Variants in MMS22L observed in about 807,000 individuals in gnomAD.
MMS22L encodes MMS22 like, DNA repair protein, also known as protein MMS22-like.
Under a neutral mutation model 159.1 loss-of-function variants are expected in MMS22L, and 74 were observed. The ratio of observed to expected loss-of-function variants is 0.47; its 90% CI spans 0.39 to 0.56. The LOEUF (loss-of-function observed/expected upper bound fraction) is 0.56. Ranked by LOEUF, MMS22L falls within the 20% of genes least tolerant of loss-of-function variation. The pLI is 0.00. For synonymous variants in MMS22L, 517 were observed against 506.9 expected (o/e 1.02, Z -0.27); for missense variants, 1,351 against 1,422.1 (o/e 0.95, Z 0.80).
intron 16 of MMS22L, among the ~76,000 whole-genome samples, chr6:97,180,526 A>C (rs1804603270): frequency 6.6e-6 from 1 of 152,178 alleles, no homozygotes; most frequent in Admixed American, 6.5e-5. Context: ...AAATCTAAAA[A>C]TGTTTTGAAA....
Position 97,178,605 on chromosome 6 carries a change from T to C in MMS22L, c.2537-20A>G, listed in dbSNP as rs1804362614. 2.3e-6 allele frequency: 3 copies of C among 1,326,142 alleles called. No individual in the cohort carries two copies. The Admixed American group carries it at 6.4e-5, about 28-fold the overall frequency. 82.1% of individuals were successfully genotyped at this position (1,326,142 alleles called of 1,614,324 possible). A position where few individuals can be genotyped will look rare whatever the true frequency, so the allele number is the denominator to read the frequency against. On this transcript the variant is annotated intron_variant, in intron 17 of 24. Transcript: ENST00000683635. ...CTTTTTCTGTTAAAATAAAATAGTATTTGTTATATCAATTTATATAACATA... is the reference window on the plus strand; with the variant it reads ...CTTTTTCTGTTAAAATAAAATAGTACTTGTTATATCAATTTATATAACATA...
Position 97,186,561 on chromosome 6 carries a change from T to C in MMS22L, c.2169A>G (p.Ser723=). The C allele has an allele frequency of 1.9e-6, 3 of 1,612,656 alleles. No individual in the cohort carries two copies. Among genetic ancestry groups the C allele is most frequent in the Non-Finnish European group, 2.5e-6 (3 of 1,179,440 alleles). ...VASALWRHFF[S]FLKSQRMSQV... ...GTGACATTCTCTGACTCTTCAAAAA[T>C]GAAAAGAAATGTCTCCACAGTGCAC... The change falls in exon 15 of 25, where the codon TCA becomes TCG. Residue 723 remains serine (S), a synonymous_variant. Transcript: ENST00000683635.
At chr6:97,185,091 T>TTACTTG (rs1805090413) in intron 15 of MMS22L, among the ~76,000 whole-genome samples, 3 of 152,234 alleles carry the variant, frequency 2.0e-5, no homozygotes, top group Admixed American at 2.0e-4. Context: ...CAAATATTAC[T>TTACTTG]TACTTGGGCC....
intron 14 of MMS22L, among the ~76,000 whole-genome samples, chr6:97,205,618 T>G (rs1037039366): frequency 6.6e-6 from 1 of 152,202 alleles, no homozygotes; most frequent in African/African-American, 2.4e-5. Flanking sequence ...AACACTACTT[T>G]TCTTAGAAAA....
intron 8 of MMS22L, 122 bp downstream of exon 8, chr6:97,267,750 A>T: frequency 3.5e-6 from 3 of 864,922 alleles, no homozygotes; most frequent in Non-Finnish European, 4.6e-6. Context: ...AGATAATAGC[A>T]ACTAAATATA....
intron 18 of MMS22L, among the ~76,000 whole-genome samples, chr6:97,174,408 C>A (rs1803912109): frequency 1.3e-5 from 2 of 151,998 alleles, no homozygotes; most frequent in Admixed American, 6.6e-5. Flanking sequence ...TTCTGCAGCA[C>A]TCAGCATGTA....
rs1209431095 is a variant in MMS22L, at chr6:97,215,114, A to ATATAT, written c.2039+13779_2039+13780insATATA. On this transcript the variant is annotated intron_variant, in intron 14 of 24. Transcript: ENST00000683635. Reference sequence around the variant, plus strand: ...TAAATATATATATATATATATATATATTTTTTTTTTGCATTGTTTCACTAG... The same window carrying ATATAT: ...TAAATATATATATATATATATATATATATATTTTTTTTTTTGCATTGTTTCACTAG... Among the ~76,000 whole-genome samples the ATATAT allele has an allele frequency of 2.2e-3, 194 of 87,204 alleles. 1 individual carries two copies. The highest frequency in any genetic ancestry group is 6.2e-3 in the African/African-American group (175 of 28,298). The allele number at this position is 87,204 out of a possible 152,430, so 57.2% of individuals were successfully genotyped here. A position where few individuals can be genotyped will look rare whatever the true frequency, so the allele number is the denominator to read the frequency against.
chr6:97,219,726 T>C (rs114417990), intron 14 of MMS22L, among the ~76,000 whole-genome samples: 93 of 152,306 alleles, frequency 6.1e-4, no homozygotes, highest in African/African-American at 2.1e-3. Context: ...TTTAATACAA[T>C]GTTTTGACAG....
At chr6:97,256,263 C>A (rs1813796370) in intron 9 of MMS22L, among the ~76,000 whole-genome samples, 1 of 152,040 alleles carries the variant, frequency 6.6e-6, no homozygotes, top group Non-Finnish European at 1.5e-5. Flanking sequence ...TTAACATAGA[C>A]CTTTCTCTTA....
At chr6:97,157,353 A>G (rs960371148) in intron 22 of MMS22L, among the ~76,000 whole-genome samples, 62 of 152,270 alleles carry the variant, frequency 4.1e-4, no homozygotes, top group African/African-American at 1.4e-3. Flanking sequence ...TTCCAACACT[A>G]TGTTGAAGAG....
At chr6:97,156,793 G>A (rs766299301) in intron 22 of MMS22L, among the ~76,000 whole-genome samples, 10 of 151,990 alleles carry the variant, frequency 6.6e-5, no homozygotes, top group African/African-American at 9.7e-5. Flanking sequence ...GGATTATCTC[G>A]GCTATGCACA....
At chr6:97,251,808 G>A (rs775447707) in intron 10 of MMS22L, among the ~76,000 whole-genome samples, 4 of 152,194 alleles carry the variant, frequency 2.6e-5, no homozygotes, top group African/African-American at 7.2e-5. Context: ...GTAGGGCTAG[G>A]TACGGTGGCT....
chr6:97,179,337 C>T, intron 17 of MMS22L, 71 bp downstream of exon 17: 3 of 1,312,966 alleles, frequency 2.3e-6, no homozygotes, highest in South Asian at 1.6e-5. Context: ...AATTACATAA[C>T]AAATGATCTA....
chr6:97,236,204 C>T (rs1437439261), intron 11 of MMS22L, among the ~76,000 whole-genome samples: 2 of 151,574 alleles, frequency 1.3e-5, no homozygotes, highest in Non-Finnish European at 2.9e-5. Flanking sequence ...TGGCAGGCAC[C>T]TATAATCCCA....
At chr6:97,172,668 C>T (rs1017255041) in intron 19 of MMS22L, among the ~76,000 whole-genome samples, 1 of 152,052 alleles carries the variant, frequency 6.6e-6, no homozygotes, top group Non-Finnish European at 1.5e-5. Context: ...CTCCTTCATA[C>T]AGAGCAGAGC....
rs199884246 is a variant in MMS22L, at chr6:97,282,473, T to G, written c.5A>C (p.Glu2Ala). Residue 2 changes from glutamate to alanine, a missense_variant, in exon 2 of 25, where the codon GAG becomes GCG. Physicochemically the swap from Glu to Ala is moderately radical, Grantham distance 107. Coordinates refer to ENST00000683635, the MANE Select transcript of MMS22L (RefSeq NM_001350599.2). M[E>A]NCSAASTFLT... ...GAACGTCGATGCAGCAGAACAGTTCTCCATTGTTTACTTCATGTTCTGAAA... is the reference window on the plus strand; with the variant it reads ...GAACGTCGATGCAGCAGAACAGTTCGCCATTGTTTACTTCATGTTCTGAAA... The G allele has an allele frequency of 2.6e-5, 42 of 1,610,586 alleles. No individual in the cohort carries two copies. The highest frequency in any genetic ancestry group is 3.0e-5 in the Non-Finnish European group (35 of 1,179,006).
chr6:97,151,878 A>C lies in MMS22L; in HGVS notation c.3386-11T>G. On this transcript the variant is annotated splice_polypyrimidine_tract_variant and intron_variant, in intron 22 of 24. Coordinates refer to ENST00000683635, the MANE Select transcript of MMS22L (RefSeq NM_001350599.2). Reference sequence around the variant, plus strand: ...TGGCCAGCCTTTTAACTAGAAGGAAAAATTACAGCATTAGGCACTGTGTCT... The same window carrying C: ...TGGCCAGCCTTTTAACTAGAAGGAACAATTACAGCATTAGGCACTGTGTCT... 1 of 1,606,606 alleles carries C rather than the reference A, an allele frequency of 6.2e-7. No homozygotes were observed. Among genetic ancestry groups the C allele is most frequent in the Non-Finnish European group, 8.5e-7 (1 of 1,173,402 alleles).
At chr6:97,186,899 T>C (rs1805302585) in intron 14 of MMS22L, among the ~76,000 whole-genome samples, 2 of 152,192 alleles carry the variant, frequency 1.3e-5, no homozygotes, top group Admixed American at 6.5e-5. Context: ...ACTACTAATG[T>C]CAACCATTAA....
intron 4 of MMS22L, among the ~76,000 whole-genome samples, chr6:97,277,801 T>A (rs189070283): frequency 6.6e-6 from 1 of 152,310 alleles, no homozygotes; most frequent in African/African-American, 2.4e-5. Flanking sequence ...TCCTACTCCC[T>A]CTTACTGACA....
Sources: allele counts gnomAD v4.1 joint callset (sites outside exome capture counted in the v4.1 genomes callset), GRCh38; gene constraint gnomAD v4.1.1; transcripts MANE v1.5; gene names NCBI Gene and HGNC (gene_info 2026-07-23, HGNC 2026-07-21).